The following RAB23 variants were observed in gnomAD, a reference collection of about 807,000 sequenced individuals.
RAB23 encodes RAB23, member RAS oncogene family.
In RAB23, 15 loss-of-function variants were observed where a neutral mutation model predicts 30.0. That is an observed-to-expected ratio of 0.50 (90% CI 0.33 to 0.77). The LOEUF (loss-of-function observed/expected upper bound fraction) is 0.77. Among genes scored for constraint, RAB23 ranks in the 30% least tolerant of loss-of-function variants. The pLI is 0.02. For missense variants in RAB23, 243 were observed against 275.4 expected (o/e 0.88, Z 0.83); for synonymous variants, 93 against 94.0 (o/e 0.99, Z 0.06).
At chr6:57,194,462 T>G (rs978819025) in intron 5 of RAB23, among the ~76,000 whole-genome samples, 2 of 152,128 alleles carry the variant, frequency 1.3e-5, no homozygotes, top group African/African-American at 4.8e-5. Context: ...CATGGAGTTC[T>G]AAAACAACTG....
chr6:57,194,355 T>C (rs1764943162), intron 5 of RAB23, among the ~76,000 whole-genome samples: 1 of 152,042 alleles, frequency 6.6e-6, no homozygotes, highest in South Asian at 2.1e-4. Context: ...ACCATCTTTT[T>C]CTAATTTCAC....
chr6:57,193,745 A>G, intron 6 of RAB23, 97 bp downstream of exon 6: 1 of 1,465,142 alleles, frequency 6.8e-7, no homozygotes, highest in Non-Finnish European at 9.2e-7. Flanking sequence ...TAGTTTAATA[A>G]TCACTTTTAA....
At chr6:57,211,095 T>C (rs1765635694) in intron 1 of RAB23, among the ~76,000 whole-genome samples, 2 of 152,228 alleles carry the variant, frequency 1.3e-5, no homozygotes, top group South Asian at 2.1e-4. Flanking sequence ...ATAAGGCATG[T>C]ATGAGACATA....
At chr6:57,217,008 TG>T (rs1298103904) in intron 1 of RAB23, among the ~76,000 whole-genome samples, 1 of 152,188 alleles carries the variant, frequency 6.6e-6, no homozygotes, top group Non-Finnish European at 1.5e-5. Context: ...TTTTAAGACC[TG>T]TATCTTGTGG....
At chr6:57,205,034 G>A (rs1765403315) in intron 3 of RAB23, among the ~76,000 whole-genome samples, 1 of 150,850 alleles carries the variant, frequency 6.6e-6, no homozygotes, top group South Asian at 2.1e-4. Context: ...ATATGTATAT[G>A]TGTATATATA....
rs1028114269 is a variant in RAB23, at chr6:57,190,190, G to A, written c.*271C>T. 2 of 378,088 alleles carry A rather than the reference G, an allele frequency of 5.3e-6. No individual in the cohort carries two copies. Among genetic ancestry groups the A allele is most frequent in the Non-Finnish European group, 9.7e-6 (2 of 206,888 alleles). The allele number at this position is 378,088 out of a possible 1,614,324, so 23.4% of individuals were successfully genotyped here. Reference sequence around the variant, plus strand: ...CAGCATTTAAAATTCCGCAAAACCTGTGTTTGAAATTTCTTATAGCATTCC... The same window carrying A: ...CAGCATTTAAAATTCCGCAAAACCTATGTTTGAAATTTCTTATAGCATTCC... On this transcript the variant is annotated 3_prime_UTR_variant, in exon 7 of 7. Coordinates refer to ENST00000468148, the MANE Select transcript of RAB23 (RefSeq NM_016277.5).
chr6:57,211,819 T>G (rs1277262105), intron 1 of RAB23, among the ~76,000 whole-genome samples: 1 of 152,252 alleles, frequency 6.6e-6, no homozygotes, highest in Non-Finnish European at 1.5e-5. Flanking sequence ...TTCATGTTTC[T>G]TCTTAAAATT....
intron 3 of RAB23, among the ~76,000 whole-genome samples, chr6:57,198,261 A>C (rs978287515): frequency 1.3e-5 from 2 of 152,190 alleles, no homozygotes; most frequent in Non-Finnish European, 2.9e-5. Flanking sequence ...AAATAAAAAA[A>C]ATTATGTAAT....
At position 57,193,882 on chromosome 6, in the gene RAB23, A is replaced by G. The variant is rs201820320; in HGVS notation, c.534T>C (p.Ala178=). ...TTGAATGCGTTAGTTCTGGATCCTCAGCTATTTGTTGTTTGAGTTTCTGAA... is the reference window on the plus strand; with the variant it reads ...TTGAATGCGTTAGTTCTGGATCCTCGGCTATTTGTTGTTTGAGTTTCTGAA... ...KYLQKLKQQI[A]EDPELTHSSS... The change falls in exon 6 of 7, where the codon GCT becomes GCC. Residue 178 remains alanine, a synonymous_variant. Transcript: ENST00000468148. 6.3e-5 allele frequency: 101 copies of G among 1,612,978 alleles called. No individual in the cohort carries two copies. The highest frequency in any genetic ancestry group is 1.8e-5 in the Non-Finnish European group (21 of 1,179,336).
intron 1 of RAB23, among the ~76,000 whole-genome samples, chr6:57,210,850 T>TA (rs1270834280): frequency 6.6e-6 from 1 of 152,222 alleles, no homozygotes; most frequent in Non-Finnish European, 1.5e-5. Flanking sequence ...ATGATACACA[T>TA]AAAGCACTTA....
At position 57,192,858 on chromosome 6, in the gene RAB23, GA is replaced by G. The variant is rs374207874; in HGVS notation, c.574+983del. ...GGGAAAGAGGTCATTCTCAATAGAAGAAAAAAAATGACCAAAAGTGAAGAAG... is the reference window on the plus strand; with the variant it reads ...GGGAAAGAGGTCATTCTCAATAGAAGAAAAAAATGACCAAAAGTGAAGAAG... On this transcript the variant is annotated intron_variant, in intron 6 of 6. Transcript: ENST00000468148. 4.2e-4 allele frequency among the ~76,000 whole-genome samples: 64 copies of G among 151,950 alleles called. 1 individual carries two copies. The East Asian group carries it at 0.012, about 29-fold the overall frequency.
rs1593223604 is a variant in RAB23, at chr6:57,210,145, A to C, written c.155+81T>G. 14 of 1,473,030 alleles carry C rather than the reference A, an allele frequency of 9.5e-6. No homozygotes were observed. The South Asian group carries it at 1.6e-4, about 17-fold the overall frequency. 91.2% of individuals were successfully genotyped at this position (1,473,030 alleles called of 1,614,324 possible). A position where few individuals can be genotyped will look rare whatever the true frequency, so the allele number is the denominator to read the frequency against. ...GTTGCCACACCTCGAAATCCACTGC[A>C]ATCAGTTAACTATTACTCCAATGAG... On this transcript the variant is annotated intron_variant, in intron 2 of 6. Coordinates refer to ENST00000468148, the MANE Select transcript of RAB23 (RefSeq NM_016277.5).
intron 1 of RAB23, among the ~76,000 whole-genome samples, chr6:57,211,097 T>C (rs915164085): frequency 6.6e-6 from 1 of 152,214 alleles, no homozygotes; most frequent in Non-Finnish European, 1.5e-5. Context: ...AAGGCATGTA[T>C]GAGACATAAA....
intron 3 of RAB23, among the ~76,000 whole-genome samples, chr6:57,204,386 T>C (rs183610180): frequency 3.1e-4 from 47 of 152,252 alleles, no homozygotes; most frequent in African/African-American, 9.9e-4. Context: ...CCCTTTCAAA[T>C]TGGGTAAAGT....
At chr6:57,212,142 C>A (rs1018203949) in intron 1 of RAB23, among the ~76,000 whole-genome samples, 2 of 152,218 alleles carry the variant, frequency 1.3e-5, no homozygotes, top group East Asian at 3.9e-4. Context: ...TGAGCTGCTA[C>A]CTGGCAGTCT....
Position 57,189,416 on chromosome 6 carries a change from T to C in RAB23, c.*1045A>G, listed in dbSNP as rs1324639209. ...TTTAAAAATGGTTAGTGTAATCTTG[T>C]AAGTTCAAAGCTGGGTTCTCAGTGA... is the stretch of plus-strand genomic sequence containing the variant. On this transcript the variant is annotated 3_prime_UTR_variant, in exon 7 of 7. Transcript: ENST00000468148. The C allele has an allele frequency of 2.0e-5, 3 of 152,220 alleles. No homozygotes were observed. The highest frequency in any genetic ancestry group is 2.9e-5 in the Non-Finnish European group (2 of 68,040). 9.4% of individuals were successfully genotyped at this position (152,220 alleles called of 1,614,324 possible).
intron 5 of RAB23, among the ~76,000 whole-genome samples, chr6:57,194,489 T>G (rs1354984785): frequency 1.3e-5 from 2 of 152,094 alleles, no homozygotes; most frequent in Non-Finnish European, 2.9e-5. Flanking sequence ...TTTTAACAGG[T>G]ATGCATCAAA....
At chr6:57,194,953 GA>G in intron 4 of RAB23, 101 bp from the exon 5 acceptor site, 1 of 829,302 alleles carries the variant, frequency 1.2e-6, no homozygotes, top group South Asian at 1.5e-5. Flanking sequence ...GTTTGGCAGG[GA>G]AGGGAGGGAA....
At chr6:57,209,414 A>G (rs1765567317) in intron 2 of RAB23, among the ~76,000 whole-genome samples, 1 of 152,218 alleles carries the variant, frequency 6.6e-6, no homozygotes, top group African/African-American at 2.4e-5. Context: ...AAACATCATC[A>G]AGACTTAACA....
Sources: gnomAD v4.1 joint callset for allele counts (sites outside exome capture counted in the v4.1 genomes callset) on GRCh38, gnomAD v4.1.1 for gene constraint, MANE v1.5 for transcripts, NCBI Gene and HGNC (gene_info 2026-07-23, HGNC 2026-07-21) for gene names.